MCTP1: variants seen among roughly 807,000 people sequenced by gnomAD.
The protein encoded by MCTP1 is multiple C2 and transmembrane domain-containing protein 1.
A neutral mutation model predicts 120.6 loss-of-function variants in MCTP1; 69 were observed. The ratio of observed to expected loss-of-function variants is 0.57; its 90% CI spans 0.47 to 0.70. The LOEUF is 0.70. MCTP1 is among the 30% of genes least tolerant of loss of function. The probability of loss-of-function intolerance (pLI) is 0.00; values close to 1 mark genes in which losing one functional copy is unlikely to be tolerated. For missense variants in MCTP1, 1,203 were observed against 1,248.8 expected, an observed-to-expected ratio of 0.96 and a Z score of 0.55; for synonymous variants, 529 against 493.1, an observed-to-expected ratio of 1.07 and a Z score of -0.96.
At chr5:94,773,881 A>C (rs1774663401) in intron 19 of MCTP1, among the ~76,000 whole-genome samples, 1 of 152,084 alleles carries the variant, frequency 6.6e-6, no homozygotes, top group Non-Finnish European at 1.5e-5. Context: ...CTACAATTCA[A>C]GATATTATTG....
chr5:95,073,734 G>C (rs966149005), intron 1 of MCTP1, among the ~76,000 whole-genome samples: 2 of 152,174 alleles, frequency 1.3e-5, no homozygotes, highest in African/African-American at 4.8e-5. Context: ...TTGATACCCT[G>C]GTTGTTGGCA....
At chr5:95,195,204 T>C (rs1342782618) in intron 1 of MCTP1, among the ~76,000 whole-genome samples, 1 of 152,174 alleles carries the variant, frequency 6.6e-6, no homozygotes, top group African/African-American at 2.4e-5. Flanking sequence ...TTATGATGTT[T>C]CCAGGAAAGA....
At chr5:95,219,406 T>A (rs1346837323) in intron 1 of MCTP1, among the ~76,000 whole-genome samples, 1 of 151,916 alleles carries the variant, frequency 6.6e-6, no homozygotes, top group Non-Finnish European at 1.5e-5. Context: ...AAAATCCTTT[T>A]AAAATAATTT....
At chr5:94,836,998 C>G (rs1288373541) in intron 17 of MCTP1, among the ~76,000 whole-genome samples, 1 of 152,046 alleles carries the variant, frequency 6.6e-6, no homozygotes, top group Admixed American at 6.5e-5. Context: ...GACTTTTAAT[C>G]TCTTTCCAGG....
At chr5:94,904,069 T>A (rs1307216594) in intron 10 of MCTP1, among the ~76,000 whole-genome samples, 1 of 152,248 alleles carries the variant, frequency 6.6e-6, no homozygotes, top group East Asian at 1.9e-4. Context: ...AATAATTACA[T>A]GCAGATTAAC....
intron 10 of MCTP1, among the ~76,000 whole-genome samples, chr5:94,898,335 G>C (rs1408718367): frequency 6.6e-6 from 1 of 152,198 alleles, no homozygotes; most frequent in Non-Finnish European, 1.5e-5. Context: ...TTTAAATGAA[G>C]TGTCACCTGT....
intron 19 of MCTP1, among the ~76,000 whole-genome samples, chr5:94,743,311 T>TAAA (rs1246026424): frequency 7.5e-6 from 1 of 134,148 alleles, no homozygotes. Flanking sequence ...ATATTTCAAT[T>TAAA]CAATAAAAAA....
intron 19 of MCTP1, among the ~76,000 whole-genome samples, chr5:94,765,182 G>C (rs1338327847): frequency 1.3e-5 from 2 of 151,970 alleles, no homozygotes; most frequent in Non-Finnish European, 2.9e-5. Context: ...GAAAATAAAA[G>C]ATTTCTTATA....
intron 2 of MCTP1, among the ~76,000 whole-genome samples, chr5:94,962,440 TA>T: frequency 6.7e-6 from 1 of 149,702 alleles, no homozygotes; most frequent in Non-Finnish European, 1.5e-5. Context: ...GATATATATA[TA>T]TCATATATTG....
chr5:94,779,441 G>C (rs1776131663), intron 18 of MCTP1, among the ~76,000 whole-genome samples: 1 of 152,188 alleles, frequency 6.6e-6, no homozygotes, highest in South Asian at 2.1e-4. Context: ...TATTAATTTG[G>C]GGGATGCTTT....
At chr5:94,850,302 G>T (rs1401764407) in intron 17 of MCTP1, among the ~76,000 whole-genome samples, 3 of 152,116 alleles carry the variant, frequency 2.0e-5, no homozygotes, top group Non-Finnish European at 4.4e-5. Context: ...CCCAAAAACT[G>T]CATAAGTAAT....
chr5:95,008,900 T>G (rs1246895401), intron 2 of MCTP1, among the ~76,000 whole-genome samples: 2 of 152,046 alleles, frequency 1.3e-5, no homozygotes, highest in African/African-American at 2.4e-5. Flanking sequence ...CACAGTGGCT[T>G]ACACTTGTAG....
intron 2 of MCTP1, among the ~76,000 whole-genome samples, chr5:95,016,663 G>A (rs895533521): frequency 2.0e-5 from 3 of 151,884 alleles, no homozygotes; most frequent in Non-Finnish European, 4.4e-5. Flanking sequence ...GGCCCTCAAC[G>A]TATCCACCTC....
chr5:94,905,203 A>G (rs1338496222), intron 10 of MCTP1, among the ~76,000 whole-genome samples: 1 of 152,106 alleles, frequency 6.6e-6, no homozygotes, highest in East Asian at 1.9e-4. Flanking sequence ...AGGAACAGCA[A>G]AGAGGCCAGC....
chr5:94,922,719 C>T (rs1306655536), intron 7 of MCTP1, among the ~76,000 whole-genome samples: 3 of 152,078 alleles, frequency 2.0e-5, no homozygotes, highest in East Asian at 1.9e-4. Context: ...AACTCCTGAC[C>T]TCAGGTGATC....
intron 1 of MCTP1, among the ~76,000 whole-genome samples, chr5:95,057,394 C>T (rs115013826): frequency 0.038 from 5,747 of 152,048 alleles, 128 homozygotes; most frequent in African/African-American, 0.056. Context: ...ATCATAAAGG[C>T]CAGTAAATAT....
At chr5:94,954,147 C>CAAATATATATATATGCATATATATACAA (rs10671946) in intron 2 of MCTP1, among the ~76,000 whole-genome samples, 1 of 32,524 alleles carries the variant, frequency 3.1e-5, no homozygotes, top group Non-Finnish European at 5.4e-5. Context: ...CATATATATA[C>CAAATATATATATATGCATATATATACAA]ATATATATAT....
intron 2 of MCTP1, among the ~76,000 whole-genome samples, chr5:94,987,650 T>G (rs1385428444): frequency 1.3e-5 from 2 of 152,176 alleles, no homozygotes. Flanking sequence ...TAATGTAGGC[T>G]TCACCTTGAG....
intron 1 of MCTP1, among the ~76,000 whole-genome samples, chr5:95,086,641 A>G (rs933696828): frequency 6.6e-6 from 1 of 152,212 alleles, no homozygotes; most frequent in Admixed American, 6.5e-5. Flanking sequence ...TCAGAGATTA[A>G]CCTTCATTTA....
Sources: allele counts gnomAD v4.1 joint callset (sites outside exome capture counted in the v4.1 genomes callset), GRCh38; gene constraint gnomAD v4.1.1; transcripts MANE v1.5; gene names NCBI Gene and HGNC (gene_info 2026-07-23, HGNC 2026-07-21).